TBC1D5: variants seen among roughly 807,000 people sequenced by gnomAD.
The protein encoded by TBC1D5 is TBC1 domain family, member 5.
TBC1D5 carries 75 observed loss-of-function variants against 100.3 expected under a neutral mutation model. The observed-to-expected ratio is 0.75, with a 90% CI of 0.62 to 0.91. TBC1D5 has a LOEUF of 0.91. Ranked by LOEUF, TBC1D5 falls within the 40% of genes least tolerant of loss-of-function variation. The pLI, the probability that TBC1D5 is intolerant of heterozygous loss-of-function variation, is 0.00. For missense variants in TBC1D5, 910 were observed against 942.4 expected (o/e 0.97, Z 0.45); for synonymous variants, 323 against 325.6 (o/e 0.99, Z 0.09).
chr3:17,302,755 T>C (rs934165432), intron 14 of TBC1D5, among the ~76,000 whole-genome samples: 1 of 152,132 alleles, frequency 6.6e-6, no homozygotes, highest in African/African-American at 2.4e-5. Flanking sequence ...GCTCTTTTAG[T>C]TTCCCTCAGA....
At chr3:17,610,555 CG>C (rs2061603542) in intron 2 of TBC1D5, among the ~76,000 whole-genome samples, 1 of 152,170 alleles carries the variant, frequency 6.6e-6, no homozygotes, top group South Asian at 2.1e-4. Context: ...AAGCACTCAG[CG>C]ACCACCCAAA....
chr3:17,285,487 C>T (rs1439971353), intron 15 of TBC1D5, among the ~76,000 whole-genome samples: 1 of 151,798 alleles, frequency 6.6e-6, no homozygotes, highest in African/African-American at 2.4e-5. Context: ...GTCTCGATCT[C>T]CTGACCTCGT....
At position 17,404,966 on chromosome 3, in the gene TBC1D5, C is replaced by A; in HGVS notation, c.277-5G>T. On this transcript the variant is annotated splice_region_variant and splice_polypyrimidine_tract_variant and intron_variant, in intron 5 of 21. Transcript: ENST00000253692. ...AGGAAGAACACAAAGAAATAGCTGT[C>A]AAGAAAAACAGAAGAAACTTTTGTA... The A allele has an allele frequency of 3.2e-6, 5 of 1,548,976 alleles. No homozygotes were observed. The highest frequency in any genetic ancestry group is 3.5e-6 in the Non-Finnish European group (4 of 1,146,816).
chr3:17,195,157 T>C (rs1259010116), intron 18 of TBC1D5, among the ~76,000 whole-genome samples: 1 of 152,258 alleles, frequency 6.6e-6, no homozygotes, highest in East Asian at 1.9e-4. Flanking sequence ...GAAGTGCTTA[T>C]GTATGGGAGT....
intron 18 of TBC1D5, among the ~76,000 whole-genome samples, chr3:17,210,574 C>T (rs559086224): frequency 4.6e-5 from 7 of 152,206 alleles, no homozygotes; most frequent in South Asian, 2.1e-4. Context: ...ATTCCTCATT[C>T]GTTGTTAGAA....
rs140272553 is a variant in TBC1D5 at position 17,733,466 on chromosome 3, G to T, written c.-101+5877C>A. 3.6e-3 allele frequency among the ~76,000 whole-genome samples: 551 copies of T among 152,124 alleles called. 4 individuals carry two copies. Among genetic ancestry groups the T allele is most frequent in the African/African-American group, 0.013 (535 of 41,496 alleles). ...ACAGAAAAAATCTTCAAGTTCTAAG[G>T]AAATAAAAGTGCAGAGTAATCACTT... On this transcript the variant is annotated intron_variant, in intron 1 of 21. Transcript: ENST00000253692.
intron 18 of TBC1D5, among the ~76,000 whole-genome samples, chr3:17,196,982 G>C (rs898418056): frequency 6.6e-6 from 1 of 152,184 alleles, no homozygotes; most frequent in Admixed American, 6.5e-5. Context: ...ACTCCACATA[G>C]ATGAACGCAG....
intron 18 of TBC1D5, among the ~76,000 whole-genome samples, chr3:17,211,289 C>T (rs1036967408): frequency 1.3e-5 from 2 of 152,194 alleles, no homozygotes; most frequent in Non-Finnish European, 2.9e-5. Flanking sequence ...TGTCTTTTGC[C>T]TAGAGAAAAC....
At chr3:17,692,299 C>T (rs538346717) in intron 1 of TBC1D5, among the ~76,000 whole-genome samples, 19 of 151,998 alleles carry the variant, frequency 1.3e-4, no homozygotes, top group Non-Finnish European at 2.8e-4. Flanking sequence ...GCCATGTTGG[C>T]CAGGATGCTC....
intron 15 of TBC1D5, among the ~76,000 whole-genome samples, chr3:17,281,208 G>C (rs1338423601): frequency 6.6e-6 from 1 of 152,280 alleles, no homozygotes. Flanking sequence ...ATGGTTCCAC[G>C]ATGCTACTGA....
At chr3:17,372,311 T>C (rs2092506943) in intron 12 of TBC1D5, 64 bp from the exon 13 acceptor site, 1 of 1,403,300 alleles carries the variant, frequency 7.1e-7, no homozygotes. Flanking sequence ...ATGGATGTCA[T>C]TCTTTATCAA....
intron 4 of TBC1D5, among the ~76,000 whole-genome samples, chr3:17,424,734 T>C (rs1353630692): frequency 6.6e-6 from 1 of 151,784 alleles, no homozygotes; most frequent in Non-Finnish European, 1.5e-5. Context: ...TCTGAATCCA[T>C]GAAGCAAGAT....
At chr3:17,678,872 C>A (rs1345237178) in intron 1 of TBC1D5, among the ~76,000 whole-genome samples, 1 of 149,810 alleles carries the variant, frequency 6.7e-6, no homozygotes, top group East Asian at 1.9e-4. Context: ...CATATATAGC[C>A]AGGAAAAAAA....
chr3:17,511,124 A>C (rs1027867962), intron 2 of TBC1D5, among the ~76,000 whole-genome samples: 4 of 152,040 alleles, frequency 2.6e-5, no homozygotes, highest in South Asian at 2.1e-4. Context: ...GAAATCAAAA[A>C]TTTTATGTGA....
At chr3:17,591,505 GGACAC>G (rs1261751145) in intron 2 of TBC1D5, among the ~76,000 whole-genome samples, 1 of 152,086 alleles carries the variant, frequency 6.6e-6, no homozygotes, top group African/African-American at 2.4e-5. Flanking sequence ...GGGGACTACT[GGACAC>G]TGGCTCTGAG....
intron 18 of TBC1D5, among the ~76,000 whole-genome samples, chr3:17,213,880 C>A (rs1487200898): frequency 6.7e-6 from 1 of 150,040 alleles, no homozygotes; most frequent in East Asian, 2.0e-4. Flanking sequence ...TGGTTTGTTT[C>A]AAGTTCCATC....
chr3:17,693,701 C>T (rs918713546), intron 1 of TBC1D5, among the ~76,000 whole-genome samples: 4 of 152,168 alleles, frequency 2.6e-5, no homozygotes, highest in African/African-American at 4.8e-5. Flanking sequence ...TTTAAACGTC[C>T]CTGTCTGACG....
chr3:17,636,888 G>T (rs1251468444), intron 1 of TBC1D5, among the ~76,000 whole-genome samples: 1 of 152,016 alleles, frequency 6.6e-6, no homozygotes, highest in Non-Finnish European at 1.5e-5. Context: ...CCTACTCAAG[G>T]ATATGTGATA....
intron 2 of TBC1D5, among the ~76,000 whole-genome samples, chr3:17,595,940 T>C (rs2060533528): frequency 6.6e-6 from 1 of 152,244 alleles, no homozygotes; most frequent in African/African-American, 2.4e-5. Flanking sequence ...CATAGGGTTG[T>C]GCATCACTAT....
Sources: gnomAD v4.1 joint callset for allele counts (sites outside exome capture counted in the v4.1 genomes callset) on GRCh38, gnomAD v4.1.1 for gene constraint, MANE v1.5 for transcripts, NCBI Gene and HGNC (gene_info 2026-07-23, HGNC 2026-07-21) for gene names.